Variants in EFNA5 observed in about 807,000 individuals in gnomAD.
EFNA5 encodes the protein ephrin A5, also known as ephrin-A5.
In EFNA5, 5 loss-of-function variants were observed where a neutral mutation model predicts 22.9. That is an observed-to-expected ratio of 0.22 (90% CI 0.11 to 0.46). The LOEUF is 0.46. EFNA5 is among the 20% of genes least tolerant of loss of function. The probability of loss-of-function intolerance (pLI) is 0.99; values close to 1 mark genes in which losing one functional copy is unlikely to be tolerated. For missense variants in EFNA5, 237 were observed against 293.3 expected, an observed-to-expected ratio of 0.81 and a Z score of 1.40; for synonymous variants, 113 against 112.2, an observed-to-expected ratio of 1.01 and a Z score of -0.04.
At chr5:107,531,053 A>G (rs1747800380) in intron 1 of EFNA5, among the ~76,000 whole-genome samples, 1 of 152,242 alleles carries the variant, frequency 6.6e-6, no homozygotes, top group African/African-American at 2.4e-5. Flanking sequence ...TTTAGAACTC[A>G]CTAAAAATGC....
intron 1 of EFNA5, among the ~76,000 whole-genome samples, chr5:107,480,368 G>A (rs1378562569): frequency 6.6e-6 from 1 of 152,174 alleles, no homozygotes; most frequent in Non-Finnish European, 1.5e-5. Flanking sequence ...CTGTGAAGGG[G>A]TACAAAGATG....
chr5:107,607,532 T>A (rs114362928), intron 1 of EFNA5, among the ~76,000 whole-genome samples: 1 of 152,244 alleles, frequency 6.6e-6, no homozygotes. Flanking sequence ...CAGATTTTAC[T>A]AACCTATATT....
intron 1 of EFNA5, among the ~76,000 whole-genome samples, chr5:107,554,778 T>C (rs1030589648): frequency 1.3e-5 from 2 of 152,170 alleles, no homozygotes; most frequent in Non-Finnish European, 2.9e-5. Context: ...ACTTTGCAGA[T>C]AGGAAAACCG....
chr5:107,463,700 G>A (rs1486893052), intron 1 of EFNA5, among the ~76,000 whole-genome samples: 1 of 152,094 alleles, frequency 6.6e-6, no homozygotes, highest in Non-Finnish European at 1.5e-5. Context: ...TTAACTCAGG[G>A]ATGCTATAGC....
At chr5:107,386,519 T>C (rs972221734) in intron 4 of EFNA5, among the ~76,000 whole-genome samples, 2 of 152,188 alleles carry the variant, frequency 1.3e-5, no homozygotes, top group East Asian at 1.9e-4. Context: ...TCTTTAGTTA[T>C]GGGAAACATT....
At chr5:107,473,153 C>T (rs549726003) in intron 1 of EFNA5, among the ~76,000 whole-genome samples, 1 of 152,162 alleles carries the variant, frequency 6.6e-6, no homozygotes, top group Admixed American at 6.5e-5. Flanking sequence ...GAAGTTGTAG[C>T]CTTTGTACTG....
intron 4 of EFNA5, among the ~76,000 whole-genome samples, chr5:107,382,220 A>G (rs1747487327): frequency 6.6e-6 from 1 of 152,198 alleles, no homozygotes; most frequent in Admixed American, 6.5e-5. Flanking sequence ...TGCATGATTA[A>G]CAGGCTTAAC....
chr5:107,621,153 G>A (rs796898531), intron 1 of EFNA5, among the ~76,000 whole-genome samples: 1 of 152,208 alleles, frequency 6.6e-6, no homozygotes, highest in Non-Finnish European at 1.5e-5. Flanking sequence ...ACTTCTGAAA[G>A]GCAACTGTGG....
intron 1 of EFNA5, among the ~76,000 whole-genome samples, chr5:107,622,318 G>A (rs942642929): frequency 6.6e-6 from 1 of 152,158 alleles, no homozygotes; most frequent in African/African-American, 2.4e-5. Flanking sequence ...AATCACCCAC[G>A]AAGCTTTTAA....
intron 1 of EFNA5, among the ~76,000 whole-genome samples, chr5:107,606,649 G>T (rs2112516962): frequency 6.6e-6 from 1 of 151,778 alleles, no homozygotes; most frequent in South Asian, 2.1e-4. Context: ...ACTTTGGAAG[G>T]TTACATAATA....
chr5:107,426,920 T>G (rs1309078371), intron 2 of EFNA5: 3 of 304,790 alleles, frequency 9.8e-6, no homozygotes, highest in African/African-American at 6.5e-5. Flanking sequence ...GGAGTCTTTT[T>G]TTCTTTTCCT....
intron 1 of EFNA5, among the ~76,000 whole-genome samples, chr5:107,483,522 C>T (rs1041941069): frequency 6.6e-6 from 1 of 152,138 alleles, no homozygotes; most frequent in Non-Finnish European, 1.5e-5. Context: ...GATAAATCTC[C>T]CCTCCAGTAT....
At chr5:107,580,737 A>AAAAAAG (rs1749050771) in intron 1 of EFNA5, among the ~76,000 whole-genome samples, 1 of 144,146 alleles carries the variant, frequency 6.9e-6, no homozygotes, top group African/African-American at 2.7e-5. Flanking sequence ...AAAAAAAAAA[A>AAAAAAG]AAAGAAAAGA....
At chr5:107,480,141 T>A (rs908936440) in intron 1 of EFNA5, among the ~76,000 whole-genome samples, 1 of 152,204 alleles carries the variant, frequency 6.6e-6, no homozygotes, top group Non-Finnish European at 1.5e-5. Flanking sequence ...CCCACCAATA[T>A]GCTTCATATT....
chr5:107,526,843 T>C (rs1305724501), intron 1 of EFNA5, among the ~76,000 whole-genome samples: 1 of 152,130 alleles, frequency 6.6e-6, no homozygotes, highest in African/African-American at 2.4e-5. Flanking sequence ...ATAAAATAGC[T>C]TACAATGCCA....
intron 1 of EFNA5, among the ~76,000 whole-genome samples, chr5:107,537,249 T>C (rs191953492): frequency 6.9e-4 from 105 of 151,942 alleles, no homozygotes; most frequent in African/African-American, 2.4e-3. Flanking sequence ...ATCTCAACAC[T>C]TTGGGAGGCC....
rs529765642 is a variant in EFNA5, at chr5:107,444,475, T to C, written c.126-16966A>G. ...GTTTGCATAAGCAAGACAGTGTAAGTAGAAATTATGGGCAACATGAAAAAG... is the reference window on the plus strand; with the variant it reads ...GTTTGCATAAGCAAGACAGTGTAAGCAGAAATTATGGGCAACATGAAAAAG... On this transcript the variant is annotated intron_variant, in intron 1 of 4. Coordinates refer to ENST00000333274, the MANE Select transcript of EFNA5 (RefSeq NM_001962.3). 7.9e-5 allele frequency among the ~76,000 whole-genome samples: 12 copies of C among 152,344 alleles called. No homozygotes were observed. The South Asian group carries it at 8.3e-4, about 11-fold the overall frequency.
chr5:107,454,321 A>C (rs1749636822), intron 1 of EFNA5, among the ~76,000 whole-genome samples: 1 of 152,146 alleles, frequency 6.6e-6, no homozygotes, highest in African/African-American at 2.4e-5. Flanking sequence ...TTTTGCTACT[A>C]TTTCATCAAT....
intron 1 of EFNA5, among the ~76,000 whole-genome samples, chr5:107,488,469 A>G (rs990580019): frequency 5.9e-5 from 9 of 152,168 alleles, no homozygotes; most frequent in African/African-American, 2.2e-4. Flanking sequence ...GTTATTCTCT[A>G]TCAGAAAGGG....
Sources: gnomAD v4.1 joint callset for allele counts (sites outside exome capture counted in the v4.1 genomes callset) on GRCh38, gnomAD v4.1.1 for gene constraint, MANE v1.5 for transcripts, NCBI Gene and HGNC (gene_info 2026-07-23, HGNC 2026-07-21) for gene names.